NAV1: variants seen among roughly 807,000 people sequenced by gnomAD.
NAV1 encodes neuron navigator 1, also known as pore membrane and/or filament interacting like protein 3.
A neutral mutation model predicts 175.2 loss-of-function variants in NAV1; 18 were observed. That is an observed-to-expected ratio of 0.10 (90% confidence interval 0.07 to 0.15). NAV1 has a LOEUF of 0.15. Among genes scored for constraint, NAV1 ranks in the 10% least tolerant of loss-of-function variants. The pLI is 1.00. For missense variants in NAV1, 1,731 were observed against 2,436.6 expected (o/e 0.71, Z 6.10); for synonymous variants, 897 against 978.7 (o/e 0.92, Z 1.56).
chr1:201,784,433 C>G (rs1297471437), intron 7 of NAV1, among the ~76,000 whole-genome samples: 1 of 152,166 alleles, frequency 6.6e-6, no homozygotes, highest in Non-Finnish European at 1.5e-5. Flanking sequence ...GCTGGGATTA[C>G]AGGCATGAGC....
chr1:201,793,489 AG>A (rs1402417450), intron 13 of NAV1: 1 of 334,344 alleles, frequency 3.0e-6, no homozygotes, highest in Non-Finnish European at 5.7e-6. Flanking sequence ...CACATAGAGC[AG>A]AGGGATAGTC....
intron 3 of NAV1, among the ~76,000 whole-genome samples, chr1:201,766,355 C>G (rs1468295659): frequency 2.0e-5 from 3 of 152,166 alleles, no homozygotes; most frequent in African/African-American, 7.2e-5. Context: ...ACACTGTACT[C>G]CCCCTCGCTC....
chr1:201,701,869 G>C (rs1490802580), intron 1 of NAV1, among the ~76,000 whole-genome samples: 1 of 152,178 alleles, frequency 6.6e-6, no homozygotes, highest in African/African-American at 2.4e-5. Flanking sequence ...ACCCAGTATT[G>C]TACTCATAGG....
At chr1:201,716,023 AAG>A (rs1327611399) in intron 2 of NAV1, among the ~76,000 whole-genome samples, 7 of 152,282 alleles carry the variant, frequency 4.6e-5, no homozygotes, top group South Asian at 2.1e-4. Flanking sequence ...CTGAAAAAAA[AAG>A]AGAGAGCTGT....
chr1:201,714,462 A>T (rs1217808094), intron 2 of NAV1, among the ~76,000 whole-genome samples: 2 of 152,136 alleles, frequency 1.3e-5, no homozygotes, highest in African/African-American at 4.8e-5. Flanking sequence ...CTCTCTGGGG[A>T]TTACCTCTGC....
intron 13 of NAV1, chr1:201,792,406 C>T (rs1264230465): frequency 2.0e-5 from 3 of 152,236 alleles, no homozygotes; most frequent in Non-Finnish European, 2.9e-5. Flanking sequence ...CTGCTTAGCC[C>T]TGAGGTCTTA....
intron 2 of NAV1, among the ~76,000 whole-genome samples, chr1:201,716,178 T>C (rs1672133995): frequency 6.6e-6 from 1 of 152,164 alleles, no homozygotes; most frequent in Non-Finnish European, 1.5e-5. Context: ...CCAAACCAGC[T>C]TCCCTGGAGA....
exon 30 of NAV1, chr1:201,819,939 G>T: frequency 6.2e-7 from 1 of 1,613,726 alleles, no homozygotes; most frequent in Non-Finnish European, 8.5e-7. Context: ...TTAAGGGTTC[G>T]GCAATCACTG....
chr1:201,591,184 G>A (rs1667181456), intron 2 of NAV1, among the ~76,000 whole-genome samples: 1 of 152,100 alleles, frequency 6.6e-6, no homozygotes, highest in African/African-American at 2.4e-5. Context: ...TGCCTCTCCT[G>A]TAAAACAACG....
At position 201,740,812 on chromosome 1, in the gene NAV1, G is replaced by C. The variant is rs1163613546; in HGVS notation, c.1226+22057G>C. On this transcript the variant is annotated intron_variant, in intron 3 of 29. Coordinates refer to ENST00000367296, the Ensembl canonical transcript of NAV1. The surrounding 1 kb of genome is among the most constrained non-coding windows in gnomAD (Gnocchi z 4.7). ...TAAAGGGGAAGTGAGTGTAACCACA[G>C]CTGGCCCTGGGACTCTCTGAGCTGA... Among the ~76,000 whole-genome samples, 5 of 152,104 alleles carry C rather than the reference G, an allele frequency of 3.3e-5. No individual in the cohort carries two copies. The highest frequency in any genetic ancestry group is 1.2e-4 in the African/African-American group (5 of 41,418).
At chr1:201,650,285 T>G (rs1035936051) in intron 1 of NAV1, among the ~76,000 whole-genome samples, 2 of 152,328 alleles carry the variant, frequency 1.3e-5, no homozygotes, top group East Asian at 3.9e-4. Context: ...GCCCCGGAAC[T>G]GCTCTTTCTC....
chr1:201,583,484 T>C (rs1666929008), intron 1 of NAV1, among the ~76,000 whole-genome samples: 1 of 152,232 alleles, frequency 6.6e-6, no homozygotes, highest in African/African-American at 2.4e-5. Context: ...GAGGTTGGCA[T>C]TAACTCCTTC....
At chr1:201,818,201 C>A (rs1679181402) in intron 29 of NAV1, among the ~76,000 whole-genome samples, 1 of 151,952 alleles carries the variant, frequency 6.6e-6, no homozygotes, top group South Asian at 2.1e-4. Flanking sequence ...TGCACTCCAG[C>A]CCAGGTGACA....
At chr1:201,686,552 T>A (rs775267521) in intron 1 of NAV1, among the ~76,000 whole-genome samples, 6 of 152,252 alleles carry the variant, frequency 3.9e-5, no homozygotes, top group Admixed American at 6.5e-5. Flanking sequence ...GTCTCTAGTG[T>A]GTCCCAGACA....
exon 5 of NAV1, chr1:201,781,140 T>A (rs746964558): frequency 6.2e-7 from 1 of 1,614,176 alleles, no homozygotes; most frequent in Non-Finnish European, 8.5e-7. Flanking sequence ...CTGGGACTTC[T>A]AAGTGGCGGA....
rs953510000 is a variant in NAV1, at chr1:201,740,492, G to A, written c.1226+21737G>A. On this transcript the variant is annotated intron_variant, in intron 3 of 29. Coordinates refer to ENST00000367296, the Ensembl canonical transcript of NAV1. This position sits in a 1 kb window ranked among gnomAD's most constrained non-coding sequence, Gnocchi z 4.7. ...CGGGGGTCCTGGGGACCAGGCGGGT[G>A]GAAGGAGGAGGGGCTTGCAGCCCCA... Among the ~76,000 whole-genome samples the A allele has an allele frequency of 7.2e-5, 11 of 152,200 alleles. No homozygotes were observed. Among genetic ancestry groups the A allele is most frequent in the African/African-American group, 2.7e-4 (11 of 41,452 alleles).
intron 2 of NAV1, 76 bp downstream of exon 6, chr1:201,712,995 C>T (rs1212025538): frequency 1.0e-5 from 11 of 1,101,590 alleles, no homozygotes; most frequent in African/African-American, 1.5e-5. Flanking sequence ...GCAGGGCCCC[C>T]GGGTCCCTCC....
intron 1 of NAV1, among the ~76,000 whole-genome samples, chr1:201,693,881 A>G (rs761259025): frequency 1.5e-4 from 23 of 152,138 alleles, no homozygotes; most frequent in Non-Finnish European, 2.4e-4. Context: ...CATGGTGCAG[A>G]GACTCAAGTT....
At chr1:201,776,335 C>CAAAAAAGAA (rs1675939854) in intron 3 of NAV1, among the ~76,000 whole-genome samples, 1 of 71,890 alleles carries the variant, frequency 1.4e-5, no homozygotes, top group African/African-American at 6.2e-5. Flanking sequence ...CCTGACTCTA[C>CAAAAAAGAA]AAAAAAAAAA....
Sources: allele counts gnomAD v4.1 joint callset (sites outside exome capture counted in the v4.1 genomes callset), GRCh38; gene constraint gnomAD v4.1.1; non-coding constraint Gnocchi (gnomAD v3.1); transcripts MANE v1.5; gene names NCBI Gene and HGNC (gene_info 2026-07-23, HGNC 2026-07-21).